Variants in EYS observed in about 807,000 individuals in gnomAD.
The protein encoded by EYS is EGF-like photoreceptor maintenance factor, also known as protein eyes shut homolog.
EYS carries 250 observed loss-of-function variants against 282.1 expected under a neutral mutation model. The observed-to-expected ratio is 0.89, with a 90% CI of 0.80 to 0.98. EYS has a LOEUF of 0.98. Ranked by LOEUF, EYS falls within the 50% of genes least tolerant of loss-of-function variation. The probability of loss-of-function intolerance (pLI) is 0.00; values close to 1 mark genes in which losing one functional copy is unlikely to be tolerated. For synonymous variants in EYS, 1,355 were observed against 1,282.9 expected, an observed-to-expected ratio of 1.06 and a Z score of -1.20; for missense variants, 4,016 against 3,709.0, an observed-to-expected ratio of 1.08 and a Z score of -2.15.
intron 5 of EYS, among the ~76,000 whole-genome samples, chr6:65,473,861 A>T (rs1323048122): frequency 6.6e-6 from 1 of 151,202 alleles, no homozygotes; most frequent in East Asian, 1.9e-4. Context: ...AAAAAAAAAA[A>T]GGAAATGTAG....
At chr6:65,513,809 C>A (rs1767000712) in intron 2 of EYS, among the ~76,000 whole-genome samples, 1 of 151,762 alleles carries the variant, frequency 6.6e-6, no homozygotes, top group Non-Finnish European at 1.5e-5. Flanking sequence ...TAAGAGCTAT[C>A]TATGACAAAC....
chr6:65,659,770 TTTTA>T (rs541707770), intron 1 of EYS, among the ~76,000 whole-genome samples: 74 of 151,964 alleles, frequency 4.9e-4, no homozygotes, highest in African/African-American at 1.6e-3. Flanking sequence ...GAACTTACTA[TTTTA>T]TTTATTTATT....
intron 33 of EYS, among the ~76,000 whole-genome samples, chr6:64,035,416 G>T (rs749312521): frequency 3.9e-5 from 6 of 152,198 alleles, no homozygotes; most frequent in Non-Finnish European, 8.8e-5. Context: ...GGAGGAGAAA[G>T]AAACTAGGTA....
intron 22 of EYS, among the ~76,000 whole-genome samples, chr6:64,782,533 C>G (rs908829556): frequency 1.3e-5 from 2 of 152,146 alleles, no homozygotes; most frequent in African/African-American, 2.4e-5. Context: ...CTAATATACT[C>G]TTTTTCCTTC....
chr6:64,654,922 C>T lies in EYS; in HGVS notation c.3444-28677G>A, dbSNP rs969287962. Among the ~76,000 whole-genome samples, 6 of 152,246 alleles carry T rather than the reference C, an allele frequency of 3.9e-5. No individual in the cohort carries two copies. The South Asian group carries it at 6.2e-4, about 16-fold the overall frequency. On this transcript the variant is annotated intron_variant, in intron 22 of 42. Coordinates refer to ENST00000503581, the MANE Select transcript of EYS (RefSeq NM_001142800.2). ...GCAAACAGTTTAGTTTTAATCATCC[C>T]GGACCACAGGATGTCTTGACATTTG...
chr6:65,185,618 T>C (rs1355815082), intron 12 of EYS, among the ~76,000 whole-genome samples: 1 of 151,854 alleles, frequency 6.6e-6, no homozygotes, highest in African/African-American at 2.4e-5. Context: ...TTACTTTAAT[T>C]TCAAAGAAGC....
Position 64,590,406 on chromosome 6 carries a change from T to C in EYS, c.5461A>G (p.Thr1821Ala). 6.4e-7 allele frequency: 1 copy of C among 1,551,392 alleles called. No homozygotes were observed. The highest frequency in any genetic ancestry group is 8.7e-7 in the Non-Finnish European group (1 of 1,146,778). ...TTTTTAAGAGAGGTCATATAATCTG[T>C]AAAATATGGCCAATCTGGCCTAATT... is the stretch of plus-strand genomic sequence containing the variant. ...SVIRPDWPYF[T>A]DYMTSLKKEV... Residue 1821 changes from threonine to alanine, a missense_variant, in exon 26 of 43, where the codon ACA (threonine) becomes GCA (alanine). Transcript: ENST00000503581.
At position 63,984,366 on chromosome 6, in the gene EYS, A is replaced by C. The variant is rs1328517267; in HGVS notation, c.7055+17T>G. 6.6e-7 allele frequency: 1 copy of C among 1,516,016 alleles called. No individual in the cohort carries two copies. The highest frequency in any genetic ancestry group is 9.0e-7 in the Non-Finnish European group (1 of 1,115,404). 93.9% of individuals were successfully genotyped at this position (1,516,016 alleles called of 1,614,324 possible). ...AGTCATGTAACGTAGGTTGGGAATC[A>C]GGAGACTAATACTGACCTGATGCAG... On this transcript the variant is annotated intron_variant, in intron 35 of 42. Transcript: ENST00000503581.
At chr6:65,627,452 G>A (rs1021923285) in intron 2 of EYS, among the ~76,000 whole-genome samples, 1 of 152,248 alleles carries the variant, frequency 6.6e-6, no homozygotes, top group East Asian at 1.9e-4. Flanking sequence ...TTCGGCCGCC[G>A]CTGCACTGTG....
chr6:65,519,702 ATATATATT>A (rs1390576937), intron 2 of EYS, among the ~76,000 whole-genome samples: 18 of 36,734 alleles, frequency 4.9e-4, no homozygotes, highest in African/African-American at 2.7e-3. Flanking sequence ...ATATATATAT[ATATATATT>A]TTTTTTTTTT....
chr6:65,035,774 A>G (rs553596238), intron 13 of EYS, among the ~76,000 whole-genome samples: 33 of 151,862 alleles, frequency 2.2e-4, no homozygotes, highest in Admixed American at 6.6e-4. Context: ...ACAGATTCCA[A>G]TGCTCTGTCA....
chr6:64,382,343 T>C (rs1033146248), intron 29 of EYS, among the ~76,000 whole-genome samples: 4 of 152,160 alleles, frequency 2.6e-5, no homozygotes, highest in Admixed American at 1.3e-4. Flanking sequence ...AGTGTTAACT[T>C]GGTAACCTTC....
At chr6:64,868,421 T>C (rs1398721586) in intron 19 of EYS, among the ~76,000 whole-genome samples, 1 of 151,588 alleles carries the variant, frequency 6.6e-6, no homozygotes, top group African/African-American at 2.4e-5. Context: ...TGTTACAGCT[T>C]CGTTATACCT....
chr6:65,121,775 A>G (rs2150196261), intron 12 of EYS, among the ~76,000 whole-genome samples: 1 of 152,278 alleles, frequency 6.6e-6, no homozygotes, highest in African/African-American at 2.4e-5. Flanking sequence ...TTGGAATTTT[A>G]AAGCAATTCA....
chr6:64,829,532 C>T (rs1583201298), intron 19 of EYS, among the ~76,000 whole-genome samples: 1 of 151,916 alleles, frequency 6.6e-6, no homozygotes, highest in African/African-American at 2.4e-5. Context: ...TGAGAGCTCT[C>T]ATAATATCTC....
chr6:64,114,407 G>A (rs77845914), intron 31 of EYS, among the ~76,000 whole-genome samples: 1 of 152,022 alleles, frequency 6.6e-6, no homozygotes, highest in Non-Finnish European at 1.5e-5. Context: ...AAGACTCCAG[G>A]CTTCATCCTG....
At chr6:64,575,782 C>A (rs1359556985) in intron 26 of EYS, among the ~76,000 whole-genome samples, 1 of 152,012 alleles carries the variant, frequency 6.6e-6, no homozygotes, top group Non-Finnish European at 1.5e-5. Context: ...AGGAACTAGA[C>A]AGGTAGTAAA....
intron 8 of EYS, among the ~76,000 whole-genome samples, chr6:65,364,167 T>C (rs1400124714): frequency 6.6e-6 from 1 of 151,154 alleles, no homozygotes; most frequent in Non-Finnish European, 1.5e-5. Flanking sequence ...CATCATTTGA[T>C]TTTGTCTTTG....
At chr6:63,994,706 C>T (rs544755211) in intron 34 of EYS, among the ~76,000 whole-genome samples, 7 of 151,940 alleles carry the variant, frequency 4.6e-5, no homozygotes, top group African/African-American at 1.7e-4. Context: ...TTGTTCAGCT[C>T]TATGATAATA....
Sources: allele counts gnomAD v4.1 joint callset (sites outside exome capture counted in the v4.1 genomes callset), GRCh38; gene constraint gnomAD v4.1.1; transcripts MANE v1.5; gene names NCBI Gene and HGNC (gene_info 2026-07-23, HGNC 2026-07-21).